The following HMCN1 variants were observed in gnomAD, a reference collection of about 807,000 sequenced individuals.
The protein encoded by HMCN1 is hemicentin 1, also known as hemicentin-1.
In HMCN1, 321 loss-of-function variants were observed where a neutral mutation model predicts 625.9. That is an observed-to-expected ratio of 0.51 (90% CI 0.47 to 0.56). HMCN1 has a LOEUF of 0.56. HMCN1 is among the 20% of genes least tolerant of loss of function. The pLI, the probability that HMCN1 is intolerant of heterozygous loss-of-function variation, is 0.00. For missense variants in HMCN1, 6,588 were observed against 6,887.3 expected, an observed-to-expected ratio of 0.96 and a Z score of 1.54; for synonymous variants, 2,425 against 2,417.6, an observed-to-expected ratio of 1.00 and a Z score of -0.09.
At chr1:186,002,199 T>G (rs1653246568) in intron 28 of HMCN1, among the ~76,000 whole-genome samples, 1 of 152,094 alleles carries the variant, frequency 6.6e-6, no homozygotes, top group Non-Finnish European at 1.5e-5. Flanking sequence ...CTCTTGTAAC[T>G]AAGTCAGTCC....
intron 41 of HMCN1, among the ~76,000 whole-genome samples, chr1:186,046,473 C>CA (rs59975448): frequency 2.8e-4 from 42 of 149,816 alleles, no homozygotes; most frequent in Middle Eastern, 3.4e-3. Context: ...TCTCAAACAA[C>CA]AAAAAAAAAA....
chr1:186,054,837 G>C (rs1021457302), intron 44 of HMCN1, among the ~76,000 whole-genome samples: 3 of 151,854 alleles, frequency 2.0e-5, no homozygotes, highest in Admixed American at 2.0e-4. Flanking sequence ...TAAGGGAAAG[G>C]GCTGGTATCT....
At chr1:186,034,818 T>G (rs2224277) in intron 36 of HMCN1, among the ~76,000 whole-genome samples, 94,308 of 152,006 alleles carry the variant, frequency 0.62, 30,184 homozygotes, top group African/African-American at 0.79. Context: ...AAAAGGTTGA[T>G]TTTGACAATG....
At chr1:185,816,751 G>A (rs995614161) in intron 1 of HMCN1, among the ~76,000 whole-genome samples, 2 of 152,198 alleles carry the variant, frequency 1.3e-5, no homozygotes, top group African/African-American at 4.8e-5. Context: ...CTCAGGAGAA[G>A]TGCCTGGAAT....
At chr1:186,093,318 T>A (rs1217864976) in intron 65 of HMCN1, 60 bp downstream of exon 65, 17 of 1,606,832 alleles carry the variant, frequency 1.1e-5, no homozygotes, top group Non-Finnish European at 1.4e-5. Flanking sequence ...CCAGTAGAAG[T>A]GAAGGCCCAG....
At chr1:186,152,712 T>A (rs1308271197) in intron 95 of HMCN1, 38 bp from the exon 96 acceptor site, 1 of 1,609,788 alleles carries the variant, frequency 6.2e-7, no homozygotes, top group African/African-American at 1.3e-5. Flanking sequence ...AGAAACCATA[T>A]TTTTTTGCTG....
chr1:186,038,049 T>C lies in HMCN1; in HGVS notation c.5851+14T>C. On this transcript the variant is annotated intron_variant, in intron 37 of 106. Transcript: ENST00000271588. ...ATCCTGTGCCTGGTACATTTACTTT[T>C]GAACTCTGTAACTTAATATTTTAAG... 6.7e-7 allele frequency: 1 copy of C among 1,496,310 alleles called. No homozygotes were observed. The highest frequency in any genetic ancestry group is 9.3e-7 in the Non-Finnish European group (1 of 1,072,428). 92.7% of individuals were successfully genotyped at this position (1,496,310 alleles called of 1,614,324 possible). A position where few individuals can be genotyped will look rare whatever the true frequency, so the allele number is the denominator to read the frequency against.
intron 34 of HMCN1, 76 bp downstream of exon 34, chr1:186,018,428 A>T: frequency 2.2e-6 from 3 of 1,340,520 alleles, no homozygotes; most frequent in Non-Finnish European, 3.2e-6. Context: ...CTCAGATTGT[A>T]GCTCAATAAT....
chr1:186,138,334 A>G (rs1649748250), intron 89 of HMCN1, among the ~76,000 whole-genome samples: 1 of 152,228 alleles, frequency 6.6e-6, no homozygotes, highest in Non-Finnish European at 1.5e-5. Flanking sequence ...AGACTTGCCC[A>G]GAAACACACA....
chr1:185,822,369 T>C (rs1660246382), intron 1 of HMCN1, among the ~76,000 whole-genome samples: 1 of 152,026 alleles, frequency 6.6e-6, no homozygotes, highest in Non-Finnish European at 1.5e-5. Context: ...AAAACTTCTC[T>C]GAAAAAACAG....
chr1:186,178,387 TTC>T (rs1325359443), intron 103 of HMCN1, 27 bp from the exon 104 acceptor site: 2 of 1,519,120 alleles, frequency 1.3e-6, no homozygotes, highest in South Asian at 1.1e-5. Context: ...GTCTTTTTTT[TTC>T]TTTTTTATAT....
At chr1:185,964,519 A>G (rs934425704) in intron 13 of HMCN1, among the ~76,000 whole-genome samples, 1 of 152,154 alleles carries the variant, frequency 6.6e-6, no homozygotes, top group African/African-American at 2.4e-5. Flanking sequence ...TCAGTAGAGA[A>G]GCAAGGATTC....
intron 55 of HMCN1, among the ~76,000 whole-genome samples, chr1:186,080,707 A>G (rs993804516): frequency 6.6e-6 from 1 of 152,142 alleles, no homozygotes; most frequent in African/African-American, 2.4e-5. Context: ...TGCTGATACC[A>G]CTGGTGCTGA....
At chr1:186,140,045 G>A (rs1649852444) in intron 89 of HMCN1, among the ~76,000 whole-genome samples, 1 of 152,032 alleles carries the variant, frequency 6.6e-6, no homozygotes, top group Non-Finnish European at 1.5e-5. Context: ...ACACTATCTA[G>A]GTGAAATTTT....
At chr1:186,167,019 C>T (rs1319542761) in intron 100 of HMCN1, 77 bp downstream of exon 100, 2 of 1,572,248 alleles carry the variant, frequency 1.3e-6, no homozygotes, top group South Asian at 1.1e-5. Flanking sequence ...CAAAAGTTAA[C>T]TGTCTCAGAA....
chr1:185,765,865 G>T (rs772175281), intron 1 of HMCN1, among the ~76,000 whole-genome samples: 2 of 152,090 alleles, frequency 1.3e-5, no homozygotes, highest in Non-Finnish European at 2.9e-5. Flanking sequence ...GCTTAAGTTG[G>T]AGAACTCTTA....
At chr1:185,877,887 C>T (rs759631372) in intron 4 of HMCN1, among the ~76,000 whole-genome samples, 5 of 151,964 alleles carry the variant, frequency 3.3e-5, no homozygotes, top group Non-Finnish European at 7.4e-5. Context: ...TCTCCCTGCT[C>T]ACTCCCTCCT....
At chr1:185,780,044 C>G (rs1346466473) in intron 1 of HMCN1, among the ~76,000 whole-genome samples, 1 of 152,144 alleles carries the variant, frequency 6.6e-6, no homozygotes, top group Non-Finnish European at 1.5e-5. Flanking sequence ...TTGTAGTTCT[C>G]CTTGAAGAGG....
intron 1 of HMCN1, among the ~76,000 whole-genome samples, chr1:185,811,401 G>A (rs1024224305): frequency 2.0e-5 from 3 of 151,988 alleles, no homozygotes; most frequent in African/African-American, 4.8e-5. Flanking sequence ...ACTAGCCTGG[G>A]CGATATAGTG....
Sources: allele counts gnomAD v4.1 joint callset (sites outside exome capture counted in the v4.1 genomes callset), GRCh38; gene constraint gnomAD v4.1.1; transcripts MANE v1.5; gene names NCBI Gene and HGNC (gene_info 2026-07-23, HGNC 2026-07-21).